The following PPP2R5C variants were observed in gnomAD, a reference collection of about 807,000 sequenced individuals.
PPP2R5C encodes the protein serine/threonine-protein phosphatase 2A 56 kDa regulatory subunit gamma isoform.
In PPP2R5C, 7 loss-of-function variants were observed where a neutral mutation model predicts 68.9. That is an observed-to-expected ratio of 0.10 (90% CI 0.06 to 0.19). The LOEUF (loss-of-function observed/expected upper bound fraction) is 0.19, where lower values mean the gene tolerates loss of function less well. PPP2R5C is among the 10% of genes least tolerant of loss of function. The pLI, the probability that PPP2R5C is intolerant of heterozygous loss-of-function variation, is 1.00. For missense variants in PPP2R5C, 348 were observed against 641.3 expected (o/e 0.54, Z 4.94); for synonymous variants, 210 against 222.2 (o/e 0.95, Z 0.49).
intron 1 of PPP2R5C, chr14:101,823,942 G>T (rs1595274374): frequency 7.8e-7 from 1 of 1,285,704 alleles, no homozygotes; most frequent in East Asian, 5.6e-5. Flanking sequence ...GGTCACGAAG[G>T]TAAGGTTGTA....
intron 3 of PPP2R5C, chr14:101,883,022 A>C (rs541190969): frequency 4.4e-6 from 2 of 452,656 alleles, no homozygotes; most frequent in African/African-American, 4.0e-5. Context: ...TCAGCCATGG[A>C]GATCATTTTG....
rs1007279975 is a variant in PPP2R5C at position 101,799,216 on chromosome 14, C to T, written c.259+13033C>T. Among the ~76,000 whole-genome samples, 12 of 152,324 alleles carry T rather than the reference C, an allele frequency of 7.9e-5. No individual in the cohort carries two copies. The South Asian group carries it at 8.3e-4, about 11-fold the overall frequency. ...CTCAGGTGGCTCTGCTGCATCCCCA[C>T]GCCGCAGCTGAAGGGATCTTTCTGT... On this transcript the variant is annotated intron_variant, in intron 3 of 14. Transcript: ENST00000328724.
Position 101,846,350 on chromosome 14 carries a change from C to CA in PPP2R5C, c.95-10329dup, listed in dbSNP as rs1305926441. ...GTCCAAACCATTTTTAAAGAATTACCAAAAAAAGAAAAAGGAAAGTGAAAG... is the reference window on the plus strand; with the variant it reads ...GTCCAAACCATTTTTAAAGAATTACCAAAAAAAAGAAAAAGGAAAGTGAAAG... On this transcript the variant is annotated intron_variant, in intron 1 of 13. Coordinates refer to ENST00000334743, the Ensembl canonical transcript of PPP2R5C. 6.0e-5 allele frequency among the ~76,000 whole-genome samples: 9 copies of CA among 151,078 alleles called. No individual in the cohort carries two copies. The East Asian group carries it at 1.7e-3, about 29-fold the overall frequency.
intron 1 of PPP2R5C, chr14:101,819,214 G>T: frequency 1.3e-6 from 1 of 771,304 alleles, no homozygotes. Flanking sequence ...ACTTCTCAAA[G>T]GGGGGTAGCA....
rs542193537 is a variant in PPP2R5C at position 101,804,894 on chromosome 14, G to A, written c.259+18711G>A. On this transcript the variant is annotated intron_variant, in intron 3 of 14. Transcript: ENST00000328724. ...ATTGTTTGTAACTCAAAGGATAAAC[G>A]CTTGAGGGGATGAATACCCCATTCC... is the stretch of plus-strand genomic sequence containing the variant. Among the ~76,000 whole-genome samples, 13 of 152,196 alleles carry A rather than the reference G, an allele frequency of 8.5e-5. No individual in the cohort carries two copies. In the East Asian group the frequency reaches 1.3e-3, roughly 16 times the overall value.
intron 1 of PPP2R5C, among the ~76,000 whole-genome samples, chr14:101,853,515 C>G (rs1211244755): frequency 1.3e-5 from 2 of 152,174 alleles, no homozygotes; most frequent in Admixed American, 6.5e-5. Flanking sequence ...GTTTGAATGA[C>G]AACTTAGTCT....
rs562894931 is a variant in PPP2R5C, at chr14:101,825,048, G to C, written c.94+15012G>C. On this transcript the variant is annotated intron_variant, in intron 1 of 13. Transcript: ENST00000334743. The surrounding 1 kb of genome is among the most constrained non-coding windows in gnomAD (Gnocchi z 4.0). Reference sequence around the variant, plus strand: ...GAGAGCAGCCGAGAGCAGTTAAGTGGAAGGCAAGACGCAGCAGTGGCTTCT... The same window carrying C: ...GAGAGCAGCCGAGAGCAGTTAAGTGCAAGGCAAGACGCAGCAGTGGCTTCT... 1.6e-4 allele frequency: 24 copies of C among 152,398 alleles called. No homozygotes were observed. The highest frequency in any genetic ancestry group is 5.5e-4 in the African/African-American group (23 of 41,562). The allele number at this position is 152,398 out of a possible 1,614,324, so 9.4% of individuals were successfully genotyped here. A position where few individuals can be genotyped will look rare whatever the true frequency, so the allele number is the denominator to read the frequency against.
intron 2 of PPP2R5C, among the ~76,000 whole-genome samples, chr14:101,775,981 T>C (rs2037395667): frequency 6.6e-6 from 1 of 152,076 alleles, no homozygotes; most frequent in African/African-American, 2.4e-5. Flanking sequence ...TAGCTTCCAT[T>C]TGAGTGGCCG....
chr14:101,806,807 A>G (rs2039096554), upstream of PPP2R5C, among the ~76,000 whole-genome samples: 1 of 151,924 alleles, frequency 6.6e-6, no homozygotes, highest in African/African-American at 2.4e-5. Flanking sequence ...ACTGAAAATG[A>G]AAAAAATGAG....
exon 14 of PPP2R5C, chr14:101,926,363 CTCACG>C (rs1470822054): frequency 6.6e-6 from 1 of 152,670 alleles, no homozygotes; most frequent in Non-Finnish European, 1.5e-5. Context: ...TTGAAAAGAG[CTCACG>C]TTATCAACAC....
At chr14:101,842,497 C>T (rs1043068941) in intron 1 of PPP2R5C, among the ~76,000 whole-genome samples, 2 of 152,192 alleles carry the variant, frequency 1.3e-5, no homozygotes, top group Non-Finnish European at 1.5e-5. Flanking sequence ...CCGGGGTGCT[C>T]TGCGTGCACT....
At position 101,781,964 on chromosome 14, in the gene PPP2R5C, G is replaced by A. The variant is rs1243193815; in HGVS notation, c.94-4054G>A. 6.6e-6 allele frequency among the ~76,000 whole-genome samples: 1 copy of A among 151,450 alleles called. No individual in the cohort carries two copies. The highest frequency in any genetic ancestry group is 1.5e-5 in the Non-Finnish European group (1 of 67,758). On this transcript the variant is annotated intron_variant, in intron 2 of 14. Coordinates refer to the PPP2R5C transcript ENST00000328724. The surrounding 1 kb of genome is among the most constrained non-coding windows in gnomAD (Gnocchi z 6.4). ...CCCGCTCTGGGCAGCTGCTCCCAAG[G>A]GAGCCCCTCGCCCTCTCTCTCTCCT...
At chr14:101,903,822 C>G (rs1430998049) in intron 9 of PPP2R5C, among the ~76,000 whole-genome samples, 1 of 151,612 alleles carries the variant, frequency 6.6e-6, no homozygotes, top group Non-Finnish European at 1.5e-5. Flanking sequence ...ATTACAGGTG[C>G]GTGCCACCAC....
At chr14:101,789,075 T>C (rs1383413475) in intron 3 of PPP2R5C, among the ~76,000 whole-genome samples, 1 of 152,236 alleles carries the variant, frequency 6.6e-6, no homozygotes, top group East Asian at 1.9e-4. Context: ...GCCGTCACCT[T>C]ACCACATTTT....
chr14:101,796,949 A>T lies in PPP2R5C; in HGVS notation c.259+10766A>T, dbSNP rs1050816204. On this transcript the variant is annotated intron_variant, in intron 3 of 14. Transcript: ENST00000328724. ...GGTGAAATACACATGTTAAAACATAATATTTATTATTTTAACCATTCATAA... is the reference window on the plus strand; with the variant it reads ...GGTGAAATACACATGTTAAAACATATTATTTATTATTTTAACCATTCATAA... The T allele has an allele frequency of 6.1e-6, 2 of 326,130 alleles. 1 individual carries two copies. The highest frequency in any genetic ancestry group is 1.6e-4 in the East Asian group (2 of 12,876). 20.2% of individuals were successfully genotyped at this position (326,130 alleles called of 1,614,324 possible). A position where few individuals can be genotyped will look rare whatever the true frequency, so the allele number is the denominator to read the frequency against.
chr14:101,912,640 A>C, intron 12 of PPP2R5C, 167 bp downstream of exon 14: 1 of 1,296,268 alleles, frequency 7.7e-7, no homozygotes, highest in Non-Finnish European at 9.9e-7. Context: ...CCTTTTGTAC[A>C]AGTACTTATT....
In PPP2R5C at chr14:101,856,905, C is replaced by T; in HGVS notation, c.294+20C>T. 6.2e-7 allele frequency: 1 copy of T among 1,600,820 alleles called. No homozygotes were observed. The highest frequency in any genetic ancestry group is 2.2e-5 in the East Asian group (1 of 44,798). On this transcript the variant is annotated intron_variant, in intron 2 of 13. Coordinates refer to ENST00000334743, the Ensembl canonical transcript of PPP2R5C. ...CATATGGTAAGTGATTACAGTTTAA[C>T]CAGTGTGTCCCAGTTCTGATTTATA...
intron 1 of PPP2R5C, among the ~76,000 whole-genome samples, chr14:101,828,756 C>T (rs578115991): frequency 8.0e-5 from 12 of 150,854 alleles, no homozygotes; most frequent in African/African-American, 2.4e-4. Flanking sequence ...CGGCTCACTG[C>T]AACCTCCGCC....
At chr14:101,813,008 C>A (rs540073421) in intron 1 of PPP2R5C, among the ~76,000 whole-genome samples, 1 of 152,286 alleles carries the variant, frequency 6.6e-6, no homozygotes, top group East Asian at 1.9e-4. Flanking sequence ...AGGAGAGTCA[C>A]CTGGAACTTG....
Sources: gnomAD v4.1 joint callset for allele counts (sites outside exome capture counted in the v4.1 genomes callset) on GRCh38, gnomAD v4.1.1 for gene constraint, Gnocchi (gnomAD v3.1) non-coding constraint, MANE v1.5 for transcripts, NCBI Gene and HGNC (gene_info 2026-07-23, HGNC 2026-07-21) for gene names.